LMX1B: variants seen among roughly 807,000 people sequenced by gnomAD.
The protein encoded by LMX1B is LIM homeobox transcription factor 1-beta.
A neutral mutation model predicts 51.4 loss-of-function variants in LMX1B; 12 were observed. That is an observed-to-expected ratio of 0.23 (90% CI 0.15 to 0.38). The LOEUF is 0.38. Among genes scored for constraint, LMX1B ranks in the 10% least tolerant of loss-of-function variants. The pLI is 1.00. For missense variants in LMX1B, 445 were observed against 571.1 expected (o/e 0.78, Z 2.25); for synonymous variants, 237 against 235.4 (o/e 1.01, Z -0.06).
At chr9:126,637,722 C>T (rs920301090) in intron 2 of LMX1B, among the ~76,000 whole-genome samples, 1 of 151,952 alleles carries the variant, frequency 6.6e-6, no homozygotes, top group African/African-American at 2.4e-5. Context: ...CTCCGAGAGC[C>T]AGCCCAGGTT....
At position 126,614,265 on chromosome 9, in the gene LMX1B, C is replaced by T. The variant is rs1375948223; in HGVS notation, c.-185C>T. 2.1e-5 allele frequency among the ~76,000 whole-genome samples: 3 copies of T among 146,000 alleles called. No homozygotes were observed. The highest frequency in any genetic ancestry group is 1.4e-4 in the Admixed American group (2 of 14,738). The stretch of plus-strand genomic sequence containing the variant: ...GGCGCGGGCTGCAGCCGCCCCGGCC[C>T]GCCCGCACGACGCCGGGGCCCGGGG... On this transcript the variant is annotated 5_prime_UTR_variant, in exon 1 of 8. Transcript: ENST00000373474.
rs1307725822 is a variant in LMX1B, at chr9:126,641,802, A to G, written c.326+26233A>G. 6.6e-6 allele frequency among the ~76,000 whole-genome samples: 1 copy of G among 152,078 alleles called. No individual in the cohort carries two copies. Among genetic ancestry groups the G allele is most frequent in the East Asian group, 1.9e-4 (1 of 5,172 alleles). ...TCCACCTTCCACACAGCTGCTGTCC[A>G]CAGCACCCAGCCTCTTGCCACTCAC... is the stretch of plus-strand genomic sequence containing the variant. On this transcript the variant is annotated intron_variant, in intron 2 of 7. Transcript: ENST00000373474. This position sits in a 1 kb window ranked among gnomAD's most constrained non-coding sequence, Gnocchi z 4.1.
intron 2 of LMX1B, among the ~76,000 whole-genome samples, chr9:126,663,458 A>G (rs952723606): frequency 6.6e-6 from 1 of 151,340 alleles, no homozygotes. Flanking sequence ...AAGAATTTTG[A>G]GAGCAGAGGG....
intron 2 of LMX1B, among the ~76,000 whole-genome samples, chr9:126,688,757 AGGCT>A (rs1458683212): frequency 1.3e-5 from 2 of 152,204 alleles, no homozygotes; most frequent in Non-Finnish European, 2.9e-5. Flanking sequence ...CATGCCCTGC[AGGCT>A]GGTGGGGTCC....
intron 2 of LMX1B, among the ~76,000 whole-genome samples, chr9:126,676,840 G>A (rs1377484900): frequency 1.3e-5 from 2 of 152,228 alleles, no homozygotes; most frequent in Non-Finnish European, 1.5e-5. Flanking sequence ...TGCTGCGGGC[G>A]AGGGGAAAGG....
intron 2 of LMX1B, among the ~76,000 whole-genome samples, chr9:126,654,256 C>A (rs1418458877): frequency 6.6e-6 from 1 of 152,238 alleles, no homozygotes; most frequent in East Asian, 1.9e-4. Flanking sequence ...GGGAACCTTC[C>A]CTGACACTCT....
intron 2 of LMX1B, among the ~76,000 whole-genome samples, chr9:126,647,864 C>T (rs977916321): frequency 6.6e-6 from 1 of 152,230 alleles, no homozygotes. Context: ...CAGTTCCAGG[C>T]ATGGACTGGG....
intron 2 of LMX1B, among the ~76,000 whole-genome samples, chr9:126,682,758 G>A (rs901478463): frequency 7.2e-5 from 11 of 152,104 alleles, no homozygotes; most frequent in African/African-American, 2.4e-4. Flanking sequence ...AGCCGGGCGC[G>A]GTGGCGCCTG....
At chr9:126,627,611 A>C (rs965035102) in intron 2 of LMX1B, among the ~76,000 whole-genome samples, 1 of 151,862 alleles carries the variant, frequency 6.6e-6, no homozygotes, top group Non-Finnish European at 1.5e-5. Flanking sequence ...AGGGCTGTCA[A>C]CCTCAGCAGT....
intron 2 of LMX1B, among the ~76,000 whole-genome samples, chr9:126,619,168 T>C (rs1323505199): frequency 6.6e-6 from 1 of 152,182 alleles, no homozygotes; most frequent in Non-Finnish European, 1.5e-5. Context: ...GGTGAGTTTT[T>C]AAAAAATTTC....
At position 126,615,314 on chromosome 9, in the gene LMX1B, G is replaced by A. The variant is rs1227403227; in HGVS notation, c.140-69G>A. 3.1e-6 allele frequency: 4 copies of A among 1,301,372 alleles called. No homozygotes were observed. The highest frequency in any genetic ancestry group is 4.0e-6 in the Non-Finnish European group (4 of 1,004,128). The allele number at this position is 1,301,372 out of a possible 1,614,324, so 80.6% of individuals were successfully genotyped here. A position where few individuals can be genotyped will look rare whatever the true frequency, so the allele number is the denominator to read the frequency against. ...CCTCGGGGCCGAGGGCTGTGGGCCC[G>A]GTGCGACCGGGACGCCGGGGCTGGG... On this transcript the variant is annotated intron_variant, in intron 1 of 7. Transcript: ENST00000373474. This position sits in a 1 kb window ranked among gnomAD's most constrained non-coding sequence, Gnocchi z 6.0.
chr9:126,672,773 C>G (rs1836482597), intron 2 of LMX1B, among the ~76,000 whole-genome samples: 1 of 152,224 alleles, frequency 6.6e-6, no homozygotes, highest in South Asian at 2.1e-4. Context: ...GGGGCGCACA[C>G]AGCCCAGGAC....
intron 2 of LMX1B, among the ~76,000 whole-genome samples, chr9:126,690,560 A>G (rs2030082563): frequency 6.6e-6 from 1 of 152,198 alleles, no homozygotes; most frequent in Non-Finnish European, 1.5e-5. Context: ...TCTTGTGGCC[A>G]CCGTGTCTCT....
intron 2 of LMX1B, among the ~76,000 whole-genome samples, chr9:126,653,165 T>C (rs1836053654): frequency 7.0e-6 from 1 of 143,414 alleles, no homozygotes; most frequent in Non-Finnish European, 1.5e-5. Flanking sequence ...TTTTTTTTTT[T>C]TTTTTGAGAC....
chr9:126,624,640 G>A (rs1196991990), intron 2 of LMX1B, among the ~76,000 whole-genome samples: 1 of 150,538 alleles, frequency 6.6e-6, no homozygotes, highest in Non-Finnish European at 1.5e-5. Flanking sequence ...CCCGAGGGCG[G>A]CGAGTGGCAG....
chr9:126,696,063 G>A (rs2030320555), intron 7 of LMX1B, 60 bp downstream of exon 7: 4 of 1,166,532 alleles, frequency 3.4e-6, no homozygotes, highest in Non-Finnish European at 4.3e-6. Flanking sequence ...TGCCAGGCCA[G>A]GCAGGCCTGG....
chr9:126,678,319 AAAC>A lies in LMX1B; in HGVS notation c.327-12514_327-12512del, dbSNP rs1234061625. The stretch of plus-strand genomic sequence containing the variant: ...AGCGAGACTTCGTCTCAAAAAAAAA[AAAC>A]AAAAAACAAAAAAAAAAAACAAAAA... On this transcript the variant is annotated intron_variant, in intron 2 of 7. Coordinates refer to ENST00000373474, the MANE Select transcript of LMX1B (RefSeq NM_001174147.2). Among the ~76,000 whole-genome samples the A allele has an allele frequency of 3.9e-3, 500 of 127,556 alleles. 16 individuals are homozygous for A. The highest frequency in any genetic ancestry group is 0.023 in the African/African-American group (474 of 21,054). The allele number at this position is 127,556 out of a possible 152,430, so 83.7% of individuals were successfully genotyped here. A position where few individuals can be genotyped will look rare whatever the true frequency, so the allele number is the denominator to read the frequency against.
intron 2 of LMX1B, among the ~76,000 whole-genome samples, chr9:126,672,284 TC>T (rs1836473017): frequency 6.6e-6 from 1 of 152,072 alleles, no homozygotes; most frequent in Non-Finnish European, 1.5e-5. Context: ...GTCTGGTAGC[TC>T]CCCCTGCCTT....
chr9:126,652,304 G>A (rs543325544), intron 2 of LMX1B, among the ~76,000 whole-genome samples: 6 of 148,694 alleles, frequency 4.0e-5, no homozygotes, highest in Admixed American at 6.7e-5. Context: ...GAAGGGGGGG[G>A]GGATTTTCTC....
Sources: allele counts gnomAD v4.1 joint callset (sites outside exome capture counted in the v4.1 genomes callset), GRCh38; gene constraint gnomAD v4.1.1; non-coding constraint Gnocchi (gnomAD v3.1); transcripts MANE v1.5; gene names NCBI Gene and HGNC (gene_info 2026-07-23, HGNC 2026-07-21).